Variants in PID1 observed in about 807,000 individuals in gnomAD.
PID1 encodes the protein PTB-containing, cubilin and LRP1-interacting protein.
In PID1, 10 loss-of-function variants were observed where a neutral mutation model predicts 19.1. The observed-to-expected ratio is 0.52, with a 90% confidence interval of 0.32 to 0.89. The LOEUF (loss-of-function observed/expected upper bound fraction) is 0.89, where lower values mean the gene tolerates loss of function less well. PID1 is among the 40% of genes least tolerant of loss of function. The pLI is 0.03. For missense variants in PID1, 248 were observed against 285.3 expected (o/e 0.87, Z 0.94); for synonymous variants, 130 against 116.0 (o/e 1.12, Z -0.78).
In PID1 at chr2:229,101,546, C is replaced by T. The variant is rs73998547; in HGVS notation, c.177+54272G>A. On this transcript the variant is annotated intron_variant, in intron 2 of 2. Transcript: ENST00000392055. ...ATTCACTCTAACTATGGGCCAAATGCTATGCAAAATGTTTGCGTGTATTAC... is the reference window on the plus strand; with the variant it reads ...ATTCACTCTAACTATGGGCCAAATGTTATGCAAAATGTTTGCGTGTATTAC... 7.0e-3 allele frequency among the ~76,000 whole-genome samples: 1,073 copies of T among 152,258 alleles called. 18 individuals carry two copies. Among genetic ancestry groups the T allele is most frequent in the African/African-American group, 0.024 (1,010 of 41,534 alleles).
At chr2:229,174,024 C>T (rs745767874) in intron 1 of PID1, among the ~76,000 whole-genome samples, 9 of 152,318 alleles carry the variant, frequency 5.9e-5, no homozygotes, top group Non-Finnish European at 8.8e-5. Flanking sequence ...TTCCCCTTCC[C>T]TGCTCCACTT....
At chr2:229,260,816 C>CTTTTTTTTTTTTTTTTTTTTTTTTTTTTT (rs1319033110) in intron 1 of PID1, among the ~76,000 whole-genome samples, 2 of 121,186 alleles carry the variant, frequency 1.7e-5, no homozygotes. Flanking sequence ...TTCTGATTGC[C>CTTTTTTTTTTTTTTTTTTTTTTTTTTTTT]ATTTTTTTTT....
intron 1 of PID1, among the ~76,000 whole-genome samples, chr2:229,248,264 T>G (rs978429639): frequency 2.0e-5 from 3 of 152,208 alleles, no homozygotes; most frequent in Admixed American, 6.5e-5. Context: ...TAGCCTTTTT[T>G]TCTCTTTCAT....
At chr2:229,179,940 A>G (rs1414106640) in intron 1 of PID1, among the ~76,000 whole-genome samples, 5 of 152,172 alleles carry the variant, frequency 3.3e-5, no homozygotes, top group African/African-American at 4.8e-5. Flanking sequence ...TTTGTCCTCA[A>G]CTGAGTCCCT....
At chr2:229,158,444 T>C (rs1037805745) in intron 1 of PID1, among the ~76,000 whole-genome samples, 1 of 152,226 alleles carries the variant, frequency 6.6e-6, no homozygotes, top group African/African-American at 2.4e-5. Flanking sequence ...TTTACTTTAT[T>C]GTCTTCCAGT....
chr2:229,171,065 G>T (rs1690702989), intron 1 of PID1, among the ~76,000 whole-genome samples: 1 of 152,196 alleles, frequency 6.6e-6, no homozygotes, highest in Admixed American at 6.5e-5. Flanking sequence ...TTTGCAATTG[G>T]AAGTGCTCAG....
Position 229,199,725 on chromosome 2 carries a change from T to TATAC in PID1, c.31-43762_31-43761insGTAT, listed in dbSNP as rs1691454251. On this transcript the variant is annotated intron_variant, in intron 1 of 2. Transcript: ENST00000392055. ...ACAAATGGGAAATATCTAATTTATA[T>TATAC]ATATATATATATATATATATACACA... Among the ~76,000 whole-genome samples the TATAC allele has an allele frequency of 3.2e-5, 4 of 126,182 alleles. No homozygotes were observed. The South Asian group carries it at 9.5e-4, about 30-fold the overall frequency. The allele number at this position is 126,182 out of a possible 152,430, so 82.8% of individuals were successfully genotyped here.
At chr2:229,112,354 AC>A (rs571313864) in intron 2 of PID1, among the ~76,000 whole-genome samples, 1 of 152,338 alleles carries the variant, frequency 6.6e-6, no homozygotes, top group African/African-American at 2.4e-5. Context: ...CAAGTAACTT[AC>A]ACCATCATTG....
At chr2:229,049,962 T>C in intron 2 of PID1, among the ~76,000 whole-genome samples, 1 of 152,302 alleles carries the variant, frequency 6.6e-6, no homozygotes, top group Non-Finnish European at 1.5e-5. Flanking sequence ...TATATACACA[T>C]TTGTATCTAC....
At chr2:229,080,310 C>T (rs1367501282) in intron 2 of PID1, among the ~76,000 whole-genome samples, 1 of 152,186 alleles carries the variant, frequency 6.6e-6, no homozygotes, top group Non-Finnish European at 1.5e-5. Flanking sequence ...GCCTCATTTT[C>T]ACCCCAATAC....
chr2:229,271,186 G>A lies in PID1; in HGVS notation c.-143C>T. 3 of 842,140 alleles carry A rather than the reference G, an allele frequency of 3.6e-6. No individual in the cohort carries two copies. The highest frequency in any genetic ancestry group is 5.4e-6 in the Non-Finnish European group (3 of 559,694). 52.2% of individuals were successfully genotyped at this position (842,140 alleles called of 1,614,324 possible). On this transcript the variant is annotated 5_prime_UTR_variant, in exon 1 of 3. Coordinates refer to ENST00000392055, the MANE Select transcript of PID1 (RefSeq NM_001100818.2). Reference sequence around the variant, plus strand: ...GGCGCTGGCCACCGCCGCCGGGTGGGCGTAGGGGGCTGCGAGCAGGAGGAG... The same window carrying A: ...GGCGCTGGCCACCGCCGCCGGGTGGACGTAGGGGGCTGCGAGCAGGAGGAG...
At chr2:229,095,799 T>TA (rs779620854) in intron 2 of PID1, among the ~76,000 whole-genome samples, 1 of 151,878 alleles carries the variant, frequency 6.6e-6, no homozygotes, top group African/African-American at 2.4e-5. Flanking sequence ...TGAGCAGTCA[T>TA]AAAAAAAAGT....
chr2:229,153,862 TTC>T (rs1690310504), intron 2 of PID1, among the ~76,000 whole-genome samples: 2 of 152,318 alleles, frequency 1.3e-5, no homozygotes, highest in African/African-American at 4.8e-5. Flanking sequence ...TCACACTTAA[TTC>T]TCCTCCATAT....
At chr2:229,201,828 C>T (rs974901898) in intron 1 of PID1, among the ~76,000 whole-genome samples, 2 of 151,978 alleles carry the variant, frequency 1.3e-5, no homozygotes, top group African/African-American at 2.4e-5. Flanking sequence ...CAATAGGTGT[C>T]GGGTAGTATC....
chr2:229,110,956 C>A (rs965588978), intron 2 of PID1, among the ~76,000 whole-genome samples: 28 of 152,070 alleles, frequency 1.8e-4, no homozygotes, highest in African/African-American at 6.5e-4. Context: ...TGGGAGAGAC[C>A]TGATGGGAGA....
intron 2 of PID1, among the ~76,000 whole-genome samples, chr2:229,145,023 T>C (rs1690096342): frequency 6.6e-6 from 1 of 151,802 alleles, no homozygotes; most frequent in South Asian, 2.1e-4. Flanking sequence ...TAAATTACAC[T>C]ACTCTTGGAG....
intron 1 of PID1, among the ~76,000 whole-genome samples, chr2:229,164,344 C>T (rs756016454): frequency 7.2e-5 from 11 of 151,970 alleles, no homozygotes; most frequent in Non-Finnish European, 1.0e-4. Flanking sequence ...TGACTCCTAC[C>T]TGTATTTAAA....
At chr2:229,262,725 C>G in intron 1 of PID1, 3 of 1,551,560 alleles carry the variant, frequency 1.9e-6, no homozygotes, top group Non-Finnish European at 2.6e-6. Flanking sequence ...GTTGGCAGGG[C>G]CACACACCAT....
chr2:229,031,733 G>A (rs150815834), intron 2 of PID1, among the ~76,000 whole-genome samples: 144 of 152,294 alleles, frequency 9.5e-4, no homozygotes, highest in Middle Eastern at 3.4e-3. Flanking sequence ...TAGCAAGACC[G>A]TCTCCCCTCA....
Sources: gnomAD v4.1 joint callset for allele counts (sites outside exome capture counted in the v4.1 genomes callset) on GRCh38, gnomAD v4.1.1 for gene constraint, MANE v1.5 for transcripts, NCBI Gene and HGNC (gene_info 2026-07-23, HGNC 2026-07-21) for gene names.